Variants in SOX5 observed in about 807,000 individuals in gnomAD.
The protein encoded by SOX5 is SRY-box transcription factor 5, also known as transcription factor SOX-5.
A neutral mutation model predicts 92.0 loss-of-function variants in SOX5; 9 were observed. The ratio of observed to expected loss-of-function variants is 0.10; its 90% CI spans 0.06 to 0.17. The LOEUF is 0.17. Ranked by LOEUF, SOX5 falls within the 10% of genes least tolerant of loss-of-function variation. SOX5 has a pLI of 1.00. For missense variants in SOX5, 642 were observed against 944.5 expected (o/e 0.68, Z 4.20); for synonymous variants, 344 against 336.3 (o/e 1.02, Z -0.25).
intron 4 of SOX5, among the ~76,000 whole-genome samples, chr12:24,038,042 AG>A (rs1956209528): frequency 6.6e-6 from 1 of 152,228 alleles, no homozygotes; most frequent in East Asian, 1.9e-4. Context: ...GACATACAAA[AG>A]GGGAAAAGAG....
intron 1 of SOX5, among the ~76,000 whole-genome samples, chr12:24,443,023 C>A (rs1298200970): frequency 7.3e-6 from 1 of 137,802 alleles, no homozygotes; most frequent in Non-Finnish European, 1.5e-5. Flanking sequence ...ACAATCTTGG[C>A]TCACTGCCAC....
intron 2 of SOX5, among the ~76,000 whole-genome samples, chr12:23,847,458 G>T (rs1387256987): frequency 6.6e-6 from 1 of 152,068 alleles, no homozygotes; most frequent in Non-Finnish European, 1.5e-5. Context: ...TAAGGTTAAT[G>T]CAATATTTTG....
intron 7 of SOX5, 39 bp downstream of exon 7, chr12:23,665,405 C>G: frequency 6.2e-7 from 1 of 1,610,256 alleles, no homozygotes. Context: ...AAAGCTTTGC[C>G]CTCCACCCAC....
chr12:24,413,863 A>C (rs985686942), intron 1 of SOX5, among the ~76,000 whole-genome samples: 4 of 152,318 alleles, frequency 2.6e-5, no homozygotes, highest in African/African-American at 9.6e-5. Context: ...TGAAGGACAC[A>C]GGCATATATT....
intron 2 of SOX5, among the ~76,000 whole-genome samples, chr12:24,337,484 G>A (rs1397724433): frequency 1.3e-5 from 2 of 152,084 alleles, no homozygotes; most frequent in Non-Finnish European, 2.9e-5. Flanking sequence ...GGGACTACAG[G>A]TGTGTGCCAC....
intron 6 of SOX5, among the ~76,000 whole-genome samples, chr12:23,693,428 T>A (rs2089250501): frequency 6.8e-6 from 1 of 147,762 alleles, no homozygotes; most frequent in South Asian, 2.2e-4. Context: ...CCAGCCCTGG[T>A]TTTATTTTTA....
chr12:24,042,278 A>G (rs1956597983), intron 4 of SOX5, among the ~76,000 whole-genome samples: 1 of 152,144 alleles, frequency 6.6e-6, no homozygotes, highest in Non-Finnish European at 1.5e-5. Context: ...TAACTTTAGC[A>G]TAATATCAAT....
At chr12:23,588,106 G>T (rs1951000263) in intron 9 of SOX5, among the ~76,000 whole-genome samples, 1 of 152,122 alleles carries the variant, frequency 6.6e-6, no homozygotes, top group Middle Eastern at 3.4e-3. Context: ...CAGAATGTCA[G>T]TTAAGGCCAG....
At chr12:24,444,646 G>A (rs960440248) in intron 1 of SOX5, among the ~76,000 whole-genome samples, 2 of 152,112 alleles carry the variant, frequency 1.3e-5, no homozygotes, top group Non-Finnish European at 2.9e-5. Flanking sequence ...CCCTCTCTGG[G>A]AACTGCCTTT....
chr12:24,473,726 C>T (rs1291539384), intron 1 of SOX5, among the ~76,000 whole-genome samples: 3 of 152,132 alleles, frequency 2.0e-5, no homozygotes, highest in Admixed American at 2.0e-4. Flanking sequence ...TTAGAGTTGG[C>T]CCTCAATAAG....
intron 1 of SOX5, among the ~76,000 whole-genome samples, chr12:23,945,090 G>C (rs1944329919): frequency 6.6e-6 from 1 of 152,084 alleles, no homozygotes; most frequent in African/African-American, 2.4e-5. Context: ...CTGAACAATT[G>C]ATAGTGGAGA....
At chr12:24,089,645 C>T (rs904353552) in intron 4 of SOX5, among the ~76,000 whole-genome samples, 2 of 152,064 alleles carry the variant, frequency 1.3e-5, no homozygotes, top group South Asian at 2.1e-4. Flanking sequence ...TAGGTGATAA[C>T]CAAACAGCAT....
At chr12:24,451,105 G>A (rs1424305001) in intron 1 of SOX5, among the ~76,000 whole-genome samples, 1 of 152,148 alleles carries the variant, frequency 6.6e-6, no homozygotes, top group Non-Finnish European at 1.5e-5. Context: ...TTCCATCTAT[G>A]TTGCTGCAAA....
chr12:24,001,800 T>TG (rs1247357353), intron 4 of SOX5, among the ~76,000 whole-genome samples: 3 of 152,114 alleles, frequency 2.0e-5, no homozygotes, highest in African/African-American at 7.2e-5. Context: ...CAGGAGGACT[T>TG]GAAGAACAGA....
intron 11 of SOX5, among the ~76,000 whole-genome samples, chr12:23,547,154 T>C (rs1024379490): frequency 6.6e-6 from 1 of 152,152 alleles, no homozygotes; most frequent in Non-Finnish European, 1.5e-5. Context: ...ATAAATTATT[T>C]TTAAGAAAAA....
intron 3 of SOX5, chr12:24,227,021 C>T (rs561412348): frequency 1.3e-5 from 2 of 152,224 alleles, no homozygotes; most frequent in African/African-American, 4.8e-5. Context: ...GAAAATGAGA[C>T]AGCCTGGAGA....
At chr12:23,978,945 A>G (rs762043933) in intron 4 of SOX5, among the ~76,000 whole-genome samples, 1 of 152,040 alleles carries the variant, frequency 6.6e-6, no homozygotes, top group Non-Finnish European at 1.5e-5. Flanking sequence ...ATTTTTCCTT[A>G]GTTCTGGTCA....
At chr12:23,900,971 C>CA (rs1007391378) in intron 1 of SOX5, among the ~76,000 whole-genome samples, 2 of 151,996 alleles carry the variant, frequency 1.3e-5, no homozygotes, top group South Asian at 2.1e-4. Context: ...AACAAACAAA[C>CA]AAAAAACAAC....
At chr12:24,477,494 A>G (rs1945524793) in intron 1 of SOX5, among the ~76,000 whole-genome samples, 1 of 152,156 alleles carries the variant, frequency 6.6e-6, no homozygotes, top group Non-Finnish European at 1.5e-5. Context: ...CTCATATACA[A>G]TCACAAATTT....
Sources: gnomAD v4.1 joint callset for allele counts (sites outside exome capture counted in the v4.1 genomes callset) on GRCh38, gnomAD v4.1.1 for gene constraint, MANE v1.5 for transcripts, NCBI Gene and HGNC (gene_info 2026-07-23, HGNC 2026-07-21) for gene names.